The following MTMR14 variants were observed in gnomAD, a reference collection of about 807,000 sequenced individuals.
The protein encoded by MTMR14 is myotubularin related protein 14.
A neutral mutation model predicts 86.3 loss-of-function variants in MTMR14; 48 were observed. The observed-to-expected ratio is 0.56, with a 90% confidence interval of 0.44 to 0.71. The LOEUF is 0.71. Ranked by LOEUF, MTMR14 falls within the 30% of genes least tolerant of loss-of-function variation. MTMR14 has a pLI of 0.00. For synonymous variants in MTMR14, 366 were observed against 326.1 expected (o/e 1.12, Z -1.32); for missense variants, 780 against 834.6 (o/e 0.93, Z 0.81).
chr3:9,664,481 G>T (rs192464149), intron 3 of MTMR14, among the ~76,000 whole-genome samples: 19 of 151,872 alleles, frequency 1.3e-4, no homozygotes, highest in African/African-American at 4.6e-4. Flanking sequence ...GTTAAGAAAT[G>T]CTTGCTTCCA....
chr3:9,686,043 A>C (rs1316281275), intron 13 of MTMR14, among the ~76,000 whole-genome samples: 1 of 151,728 alleles, frequency 6.6e-6, no homozygotes, highest in African/African-American at 2.4e-5. Context: ...CATTTTCCCA[A>C]AGTGTGTTTC....
At chr3:9,699,045 A>G (rs76648936) in intron 18 of MTMR14, among the ~76,000 whole-genome samples, 12,973 of 151,754 alleles carry the variant, frequency 0.085, 945 homozygotes, top group African/African-American at 0.18. Flanking sequence ...GTGAATGCCT[A>G]TTAGTAATCC....
At chr3:9,682,058 A>G (rs1425327300) in intron 9 of MTMR14, among the ~76,000 whole-genome samples, 3 of 152,196 alleles carry the variant, frequency 2.0e-5, no homozygotes, top group Non-Finnish European at 4.4e-5. Flanking sequence ...GGCTTGGTAC[A>G]GTGCAGCTCT....
intron 9 of MTMR14, among the ~76,000 whole-genome samples, chr3:9,679,577 G>A (rs948985644): frequency 6.6e-6 from 1 of 152,186 alleles, no homozygotes; most frequent in African/African-American, 2.4e-5. Context: ...CGTGTGAGGA[G>A]GTACTCTGCT....
chr3:9,682,585 CCCA>C (rs1265238788), intron 9 of MTMR14, among the ~76,000 whole-genome samples: 1 of 152,224 alleles, frequency 6.6e-6, no homozygotes, highest in East Asian at 1.9e-4. Flanking sequence ...TTTTCCATCT[CCCA>C]CCTCATGGGC....
At chr3:9,666,903 G>A (rs1029415109) in intron 3 of MTMR14, among the ~76,000 whole-genome samples, 4 of 152,202 alleles carry the variant, frequency 2.6e-5, no homozygotes, top group Admixed American at 2.0e-4. Context: ...TGAGGCAAAG[G>A]AACAGGTGTC....
At chr3:9,690,357 C>T (rs1291095020) in intron 17 of MTMR14, among the ~76,000 whole-genome samples, 1 of 152,208 alleles carries the variant, frequency 6.6e-6, no homozygotes, top group Non-Finnish European at 1.5e-5. Flanking sequence ...TAGCATAATG[C>T]AGGGGAACCC....
At chr3:9,663,269 G>GA (rs2048043125) in intron 3 of MTMR14, among the ~76,000 whole-genome samples, 1 of 152,076 alleles carries the variant, frequency 6.6e-6, no homozygotes, top group Admixed American at 6.6e-5. Context: ...GGGCAATGGG[G>GA]AGAGTCTGAC....
chr3:9,691,960 G>A (rs1290785593), intron 17 of MTMR14, among the ~76,000 whole-genome samples: 2 of 152,150 alleles, frequency 1.3e-5, no homozygotes, highest in Non-Finnish European at 2.9e-5. Flanking sequence ...GACTTCTTCT[G>A]ACTTGGATGC....
intron 9 of MTMR14, among the ~76,000 whole-genome samples, chr3:9,678,961 C>T (rs2075670517): frequency 1.3e-5 from 2 of 152,186 alleles, no homozygotes; most frequent in African/African-American, 4.8e-5. Context: ...ATTCTGCCTC[C>T]CTGCTAGTTT....
chr3:9,685,835 G>T (rs542263772), intron 13 of MTMR14, among the ~76,000 whole-genome samples: 35 of 152,224 alleles, frequency 2.3e-4, no homozygotes, highest in Non-Finnish European at 4.6e-4. Context: ...TTACCTGTTA[G>T]TGCCTGTTTT....
At chr3:9,666,892 A>G (rs2125092393) in intron 3 of MTMR14, among the ~76,000 whole-genome samples, 1 of 152,348 alleles carries the variant, frequency 6.6e-6, no homozygotes, top group Non-Finnish European at 1.5e-5. Context: ...AGTCAGAACC[A>G]TGAGGCAAAG....
At chr3:9,679,122 T>A (rs985684041) in intron 9 of MTMR14, among the ~76,000 whole-genome samples, 1 of 152,220 alleles carries the variant, frequency 6.6e-6, no homozygotes, top group Non-Finnish European at 1.5e-5. Flanking sequence ...CATCTTGTTT[T>A]CTCTATATAT....
Position 9,690,079 on chromosome 3 carries a change from TC to T in MTMR14, c.1551del (p.Ser518GlnfsTer42). ...GGAAGCCAGGTCTTCCAGCTCCTCT[TC>T]CTCAAACCATTCTGATAACTTTTTC... ...LAEARSSSSS[S>X]SNHSDNFFRM... is the part of the protein sequence containing the mutation. On this transcript the variant is annotated frameshift_variant, in exon 17 of 19. Coordinates refer to ENST00000296003, the MANE Select transcript of MTMR14 (RefSeq NM_001077525.3). LOFTEE classifies it high-confidence loss of function. 6.2e-7 allele frequency: 1 copy of T among 1,613,600 alleles called. No homozygotes were observed. The highest frequency in any genetic ancestry group is 8.5e-7 in the Non-Finnish European group (1 of 1,180,006).
rs1267452099 is a variant in MTMR14 at position 9,669,313 on chromosome 3, G to A, written c.494-119G>A. On this transcript the variant is annotated intron_variant, in intron 4 of 18. Coordinates refer to ENST00000296003, the MANE Select transcript of MTMR14 (RefSeq NM_001077525.3). ...ATGGGGGCATACTGTGTCCTTAGGA[G>A]TAGAGCCATGTAGTCCCAGCCCACC... 7 of 893,824 alleles carry A rather than the reference G, an allele frequency of 7.8e-6. No individual in the cohort carries two copies. The Admixed American group carries it at 9.4e-5, about 12-fold the overall frequency. 55.4% of individuals were successfully genotyped at this position (893,824 alleles called of 1,614,324 possible). A position where few individuals can be genotyped will look rare whatever the true frequency, so the allele number is the denominator to read the frequency against.
chr3:9,665,843 G>A (rs1420721572), intron 3 of MTMR14, among the ~76,000 whole-genome samples: 2 of 149,868 alleles, frequency 1.3e-5, no homozygotes, highest in South Asian at 2.1e-4. Flanking sequence ...ATTCTCCTGC[G>A]TCAGCCTCCC....
At chr3:9,685,109 C>T (rs1269998017) in intron 12 of MTMR14, 102 bp from the exon 13 acceptor site, 2 of 1,539,814 alleles carry the variant, frequency 1.3e-6, no homozygotes, top group East Asian at 4.5e-5. Flanking sequence ...GCCCCACCTG[C>T]CACGCTGGTG....
rs112806181 is a variant in MTMR14, at chr3:9,701,327, C to G, written c.1770-463C>G. ...CGCCTGTAATCCCAGTACTGTGGGA[C>G]GCCAAGGCAGGCGGATCAGTTGAGT... On this transcript the variant is annotated intron_variant, in intron 18 of 18. Coordinates refer to ENST00000296003, the MANE Select transcript of MTMR14 (RefSeq NM_001077525.3). The surrounding 1 kb of genome is among the most constrained non-coding windows in gnomAD (Gnocchi z 4.2). 0.081 allele frequency: 18,809 copies of G among 231,458 alleles called. 1,587 individuals carry two copies. Among genetic ancestry groups the G allele is most frequent in the African/African-American group, 0.23 (9,905 of 43,558 alleles). 14.3% of individuals were successfully genotyped at this position (231,458 alleles called of 1,614,324 possible).
chr3:9,650,873 C>T (rs576865873), intron 1 of MTMR14, among the ~76,000 whole-genome samples: 9 of 151,690 alleles, frequency 5.9e-5, no homozygotes, highest in South Asian at 4.2e-4. Context: ...CTGCATCCTC[C>T]GCCTCCCCAG....
Sources: allele counts gnomAD v4.1 joint callset (sites outside exome capture counted in the v4.1 genomes callset), GRCh38; gene constraint gnomAD v4.1.1; non-coding constraint Gnocchi (gnomAD v3.1); transcripts MANE v1.5; gene names NCBI Gene and HGNC (gene_info 2026-07-23, HGNC 2026-07-21).